The following FOXN3 variants were observed in gnomAD, a reference collection of about 807,000 sequenced individuals.
The protein encoded by FOXN3 is forkhead box N3, also known as forkhead box protein N3.
In FOXN3, 7 loss-of-function variants were observed where a neutral mutation model predicts 38.4. The observed-to-expected ratio is 0.18, with a 90% CI of 0.10 to 0.34. FOXN3 has a LOEUF of 0.34. Ranked by LOEUF, FOXN3 falls within the 10% of genes least tolerant of loss-of-function variation. FOXN3 has a pLI of 1.00. For synonymous variants in FOXN3, 230 were observed against 242.2 expected (o/e 0.95, Z 0.47); for missense variants, 456 against 613.4 (o/e 0.74, Z 2.71).
chr14:89,336,253 T>C (rs1193960456), intron 3 of FOXN3, among the ~76,000 whole-genome samples: 1 of 151,860 alleles, frequency 6.6e-6, no homozygotes, highest in Non-Finnish European at 1.5e-5. Context: ...CATCCATTCA[T>C]CCATCCACAC....
intron 1 of FOXN3, among the ~76,000 whole-genome samples, chr14:89,415,995 A>C (rs1053512191): frequency 6.6e-6 from 1 of 152,148 alleles, no homozygotes; most frequent in Non-Finnish European, 1.5e-5. Context: ...AAGGTCTCCA[A>C]ATAACTGACA....
chr14:89,524,117 G>T (rs1298617), intron 1 of FOXN3, among the ~76,000 whole-genome samples: 1 of 145,320 alleles, frequency 6.9e-6, no homozygotes, highest in Non-Finnish European at 1.5e-5. Flanking sequence ...GCTCACGCCT[G>T]TAATCCCAGC....
chr14:89,505,191 T>G (rs1893887289), intron 1 of FOXN3, among the ~76,000 whole-genome samples: 1 of 152,166 alleles, frequency 6.6e-6, no homozygotes, highest in Non-Finnish European at 1.5e-5. Flanking sequence ...TGTTGTATAG[T>G]TCTTTGCTTT....
At chr14:89,192,092 A>G (rs1887965102) in intron 4 of FOXN3, among the ~76,000 whole-genome samples, 1 of 146,772 alleles carries the variant, frequency 6.8e-6, no homozygotes, top group South Asian at 2.1e-4. Context: ...ATAATAGTAT[A>G]TATACAGTTT....
intron 4 of FOXN3, among the ~76,000 whole-genome samples, chr14:89,217,293 C>T (rs1196047088): frequency 6.6e-6 from 1 of 152,126 alleles, no homozygotes; most frequent in East Asian, 1.9e-4. Flanking sequence ...GCACCTGCCA[C>T]CACACATGGC....
intron 3 of FOXN3, among the ~76,000 whole-genome samples, chr14:89,326,611 C>T (rs1888089172): frequency 6.6e-6 from 1 of 152,014 alleles, no homozygotes; most frequent in Non-Finnish European, 1.5e-5. Flanking sequence ...AGAGAGCAAA[C>T]AAACAGGGCT....
At position 89,505,313 on chromosome 14, in the gene FOXN3, C is replaced by G. The variant is rs570732284; in HGVS notation, c.-14-92823G>C. Among the ~76,000 whole-genome samples, 23 of 150,950 alleles carry G rather than the reference C, an allele frequency of 1.5e-4. No individual in the cohort carries two copies. The South Asian group carries it at 4.9e-3, about 32-fold the overall frequency. ...CCCTCCCCCTCTCCCCACGGTCTCC[C>G]TCTGATGCCGAGCCGAGGCTGGACT... On this transcript the variant is annotated intron_variant, in intron 1 of 6. Coordinates refer to the FOXN3 transcript ENST00000345097.
At chr14:89,261,531 C>T (rs1481510149) in intron 4 of FOXN3, among the ~76,000 whole-genome samples, 2 of 152,184 alleles carry the variant, frequency 1.3e-5, no homozygotes, top group African/African-American at 4.8e-5. Context: ...CAGTGACTCA[C>T]GCCTGTAATC....
chr14:89,501,031 G>A (rs1262218433), intron 1 of FOXN3, among the ~76,000 whole-genome samples: 2 of 152,248 alleles, frequency 1.3e-5, no homozygotes, highest in Non-Finnish European at 2.9e-5. Context: ...GGAAGACAGT[G>A]AAGGGCTCAG....
intron 4 of FOXN3, among the ~76,000 whole-genome samples, chr14:89,191,509 A>T (rs773570442): frequency 5.9e-5 from 9 of 152,216 alleles, no homozygotes; most frequent in Non-Finnish European, 1.0e-4. Context: ...ATGGGGGACA[A>T]GGGGCTCGCA....
chr14:89,348,857 C>A lies in FOXN3; in HGVS notation c.680+1815G>T, dbSNP rs188155497. Among the ~76,000 whole-genome samples the A allele has an allele frequency of 3.0e-3, 459 of 152,288 alleles. 6 individuals are homozygous for A. Among genetic ancestry groups the A allele is most frequent in the African/African-American group, 0.01 (428 of 41,554 alleles). ...GCCTGAATATGCATTCCTGTTCCAA[C>A]CCCCAGAGCTCCTCTATAATCCTTC... On this transcript the variant is annotated intron_variant, in intron 3 of 5. Coordinates refer to ENST00000557258, the MANE Select transcript of FOXN3 (RefSeq NM_005197.4).
At chr14:89,357,336 G>T (rs1276067760) in intron 2 of FOXN3, among the ~76,000 whole-genome samples, 1 of 152,148 alleles carries the variant, frequency 6.6e-6, no homozygotes, top group Non-Finnish European at 1.5e-5. Flanking sequence ...GCAGGGCGTG[G>T]TGGCTCACGC....
intron 2 of FOXN3, among the ~76,000 whole-genome samples, chr14:89,389,702 T>C (rs1441163892): frequency 6.6e-6 from 1 of 152,164 alleles, no homozygotes; most frequent in Non-Finnish European, 1.5e-5. Flanking sequence ...TAGTCACTTG[T>C]TGATGTGTAG....
intron 3 of FOXN3, among the ~76,000 whole-genome samples, chr14:89,288,709 T>C (rs1393325931): frequency 3.2e-4 from 29 of 89,830 alleles, no homozygotes; most frequent in Non-Finnish European, 4.8e-4. Context: ...TCTCTCTCTC[T>C]CTCTCTCTCT....
chr14:89,570,591 C>T (rs564106585), intron 1 of FOXN3, among the ~76,000 whole-genome samples: 5 of 152,212 alleles, frequency 3.3e-5, no homozygotes, highest in South Asian at 2.1e-4. Context: ...GTCCAACCCA[C>T]GGCCTGCCAA....
At chr14:89,547,959 GA>G (rs1387181611) in intron 1 of FOXN3, among the ~76,000 whole-genome samples, 1 of 152,160 alleles carries the variant, frequency 6.6e-6, no homozygotes, top group African/African-American at 2.4e-5. Flanking sequence ...TCTCCTCTAG[GA>G]AATCTCAGGA....
chr14:89,446,087 CAAAAAAAA>C (rs576883864), intron 1 of FOXN3, among the ~76,000 whole-genome samples: 8 of 40,112 alleles, frequency 2.0e-4, no homozygotes, highest in South Asian at 2.3e-3. Flanking sequence ...GACCCTGCCT[CAAAAAAAA>C]AAAAAAAAAA....
At chr14:89,587,910 G>A (rs2139921221) in intron 1 of FOXN3, among the ~76,000 whole-genome samples, 1 of 151,364 alleles carries the variant, frequency 6.6e-6, no homozygotes, top group South Asian at 2.1e-4. Context: ...CATAATTTTG[G>A]GTAAATTAAC....
intron 3 of FOXN3, 93 bp from the exon 4 acceptor site, chr14:89,281,107 A>C (rs1886448966): frequency 9.0e-7 from 1 of 1,114,920 alleles, no homozygotes; most frequent in Non-Finnish European, 1.3e-6. Flanking sequence ...CATTTCCCCA[A>C]GTATGCATTA....
Sources: allele counts gnomAD v4.1 joint callset (sites outside exome capture counted in the v4.1 genomes callset), GRCh38; gene constraint gnomAD v4.1.1; transcripts MANE v1.5; gene names NCBI Gene and HGNC (gene_info 2026-07-23, HGNC 2026-07-21).